The following PAAF1 variants were observed in gnomAD, a reference collection of about 807,000 sequenced individuals.
PAAF1 encodes the protein proteasomal ATPase associated factor 1.
PAAF1 carries 46 observed loss-of-function variants against 52.8 expected under a neutral mutation model. The observed-to-expected ratio is 0.87, with a 90% CI of 0.69 to 1.11. PAAF1 has a LOEUF of 1.11. PAAF1 is among the 50% of genes most tolerant of loss of function. The pLI is 0.00. For missense variants in PAAF1, 424 were observed against 477.4 expected, an observed-to-expected ratio of 0.89 and a Z score of 1.04; for synonymous variants, 178 against 172.8, an observed-to-expected ratio of 1.03 and a Z score of -0.24.
intron 7 of PAAF1, among the ~76,000 whole-genome samples, chr11:73,914,038 A>T (rs1658548637): frequency 6.6e-6 from 1 of 152,116 alleles, no homozygotes; most frequent in African/African-American, 2.4e-5. Flanking sequence ...TCCAGCCTGG[A>T]CAACATACTA....
chr11:73,899,047 A>G lies in PAAF1; in HGVS notation c.283-99A>G, dbSNP rs1422369894. 38 of 869,224 alleles carry G rather than the reference A, an allele frequency of 4.4e-5. No individual in the cohort carries two copies. The African/African-American group carries it at 5.6e-4, about 13-fold the overall frequency. 53.8% of individuals were successfully genotyped at this position (869,224 alleles called of 1,614,324 possible). A position where few individuals can be genotyped will look rare whatever the true frequency, so the allele number is the denominator to read the frequency against. On this transcript the variant is annotated intron_variant, in intron 4 of 11. Transcript: ENST00000310571. ...TTGTTGGGAAACACAGGCTTCAGGA[A>G]GTCTTGGAAGAGTGAAAAAAGGGAA...
At chr11:73,897,670 C>G (rs1228837264) in intron 4 of PAAF1, among the ~76,000 whole-genome samples, 7 of 150,672 alleles carry the variant, frequency 4.6e-5, no homozygotes, top group Non-Finnish European at 8.8e-5. Flanking sequence ...ACTGGGCGGC[C>G]GGGCAGAGAG....
At chr11:73,888,345 GC>G (rs1248948661) in intron 3 of PAAF1, among the ~76,000 whole-genome samples, 1 of 152,184 alleles carries the variant, frequency 6.6e-6, no homozygotes, top group Non-Finnish European at 1.5e-5. Context: ...GAACAATGTA[GC>G]CTTATAATCC....
At chr11:73,890,876 C>A (rs534013820) in intron 3 of PAAF1, among the ~76,000 whole-genome samples, 4 of 152,198 alleles carry the variant, frequency 2.6e-5, no homozygotes, top group African/African-American at 9.6e-5. Context: ...CTTATTTCAA[C>A]ACAAAAAGAT....
chr11:73,900,066 A>C (rs1035971173), intron 5 of PAAF1, among the ~76,000 whole-genome samples: 6 of 151,154 alleles, frequency 4.0e-5, no homozygotes, highest in African/African-American at 1.5e-4. Flanking sequence ...TATAACCTCT[A>C]TAGCTGAATT....
intron 4 of PAAF1, among the ~76,000 whole-genome samples, chr11:73,897,630 G>T (rs1037749813): frequency 5.4e-5 from 8 of 148,194 alleles, no homozygotes; most frequent in Non-Finnish European, 1.2e-4. Context: ...ATGGGATGGC[G>T]GCCGGGCAGA....
Position 73,930,762 on chromosome 11 carries a change from AATATGTATATAT to A in PAAF1, c.*3417_*3428del, listed in dbSNP as rs1019889691. ...ACTCTCTCTCAAAAAAGAAAAAAAA[AATATGTATATAT>A]ATATGTATATATATATATTTATATA... On this transcript the variant is annotated 3_prime_UTR_variant, in exon 12 of 12. Transcript: ENST00000310571. 2.1e-4 allele frequency: 32 copies of A among 149,126 alleles called. No individual in the cohort carries two copies. In the East Asian group the frequency reaches 3.5e-3, roughly 16 times the overall value. The allele number at this position is 149,126 out of a possible 1,614,324, so 9.2% of individuals were successfully genotyped here. A position where few individuals can be genotyped will look rare whatever the true frequency, so the allele number is the denominator to read the frequency against.
At chr11:73,896,983 C>G (rs1208508864) in intron 4 of PAAF1, among the ~76,000 whole-genome samples, 1 of 115,726 alleles carries the variant, frequency 8.6e-6, no homozygotes, top group Non-Finnish European at 1.9e-5. Flanking sequence ...GGGGGGCTGA[C>G]CCCCCCACCT....
At chr11:73,894,354 A>G (rs1407783659) in intron 4 of PAAF1, among the ~76,000 whole-genome samples, 2 of 152,064 alleles carry the variant, frequency 1.3e-5, no homozygotes, top group African/African-American at 4.8e-5. Context: ...AAATAAACAA[A>G]ATAGGCTGGT....
At chr11:73,923,347 A>C (rs1336398534) in intron 10 of PAAF1, among the ~76,000 whole-genome samples, 2 of 152,260 alleles carry the variant, frequency 1.3e-5, no homozygotes, top group East Asian at 3.9e-4. Flanking sequence ...TAATACAGAA[A>C]AAACTTTATG....
chr11:73,901,870 C>CTTTTTTTTTTTT (rs35218096), intron 6 of PAAF1, among the ~76,000 whole-genome samples: 1 of 128,226 alleles, frequency 7.8e-6, no homozygotes, highest in Admixed American at 7.9e-5. Context: ...TGCGCCTTGC[C>CTTTTTTTTTTTT]TTTTTTTTTT....
chr11:73,922,121 G>C, intron 10 of PAAF1: 1 of 907,708 alleles, frequency 1.1e-6, no homozygotes, highest in Non-Finnish European at 1.8e-6. Context: ...ATTGACTTCT[G>C]ATAGGTAACA....
At chr11:73,882,173 G>T (rs1350280645) in intron 2 of PAAF1, among the ~76,000 whole-genome samples, 1 of 151,866 alleles carries the variant, frequency 6.6e-6, no homozygotes, top group Non-Finnish European at 1.5e-5. Context: ...GAGCCACTGT[G>T]CCCCGCAATT....
At position 73,902,445 on chromosome 11, in the gene PAAF1, C is replaced by T. The variant is rs143158016; in HGVS notation, c.532+2025C>T. Reference sequence around the variant, plus strand: ...AGAGGAACAGTGCAAGCTTCACCTCCGATCTGGCCATCCCTCTGAAGGTGT... The same window carrying T: ...AGAGGAACAGTGCAAGCTTCACCTCTGATCTGGCCATCCCTCTGAAGGTGT... On this transcript the variant is annotated intron_variant, in intron 6 of 11. Transcript: ENST00000310571. Among the ~76,000 whole-genome samples, 663 of 152,272 alleles carry T rather than the reference C, an allele frequency of 4.4e-3. 6 individuals are homozygous for T. Among genetic ancestry groups the T allele is most frequent in the African/African-American group, 0.015 (639 of 41,556 alleles).
intron 5 of PAAF1, 56 bp downstream of exon 5, chr11:73,899,300 C>G: frequency 2.2e-6 from 3 of 1,346,976 alleles, no homozygotes. Flanking sequence ...TCTGAGAAGC[C>G]TTGGACTGGG....
At chr11:73,897,022 A>G (rs1263620302) in intron 4 of PAAF1, among the ~76,000 whole-genome samples, 4 of 130,974 alleles carry the variant, frequency 3.1e-5, no homozygotes, top group African/African-American at 2.9e-5. Flanking sequence ...CTGGCCGGGC[A>G]GAGGGGCTCC....
At chr11:73,923,046 C>T (rs1292672664) in intron 10 of PAAF1, among the ~76,000 whole-genome samples, 1 of 152,018 alleles carries the variant, frequency 6.6e-6, no homozygotes, top group African/African-American at 2.4e-5. Flanking sequence ...CTTGTTTTAC[C>T]CATTCCCTTG....
At chr11:73,918,917 G>A (rs755652415) in intron 9 of PAAF1, 33 bp from the exon 10 acceptor site, 3 of 1,565,618 alleles carry the variant, frequency 1.9e-6, no homozygotes, top group Non-Finnish European at 2.6e-6. Context: ...TTTGAAGAAA[G>A]AAAGTAAAAT....
intron 10 of PAAF1, among the ~76,000 whole-genome samples, chr11:73,922,806 GAC>G (rs1950257008): frequency 7.7e-6 from 1 of 130,172 alleles, no homozygotes; most frequent in Non-Finnish European, 1.6e-5. Flanking sequence ...GACAGAGCGA[GAC>G]TCCGTCTCAA....
Sources: gnomAD v4.1 joint callset for allele counts (sites outside exome capture counted in the v4.1 genomes callset) on GRCh38, gnomAD v4.1.1 for gene constraint, MANE v1.5 for transcripts, NCBI Gene and HGNC (gene_info 2026-07-23, HGNC 2026-07-21) for gene names.